The following CMYA5 variants were observed in gnomAD, a reference collection of about 807,000 sequenced individuals.
The protein encoded by CMYA5 is cardiomyopathy-associated protein 5.
CMYA5 carries 246 observed loss-of-function variants against 318.9 expected under a neutral mutation model. The observed-to-expected ratio is 0.77, with a 90% CI of 0.70 to 0.86. The LOEUF (loss-of-function observed/expected upper bound fraction) is 0.86. Ranked by LOEUF, CMYA5 falls within the 40% of genes least tolerant of loss-of-function variation. The pLI is 0.00. For synonymous variants in CMYA5, 1,641 were observed against 1,729.5 expected, an observed-to-expected ratio of 0.95 and a Z score of 1.27; for missense variants, 4,589 against 4,678.2, an observed-to-expected ratio of 0.98 and a Z score of 0.56.
Position 79,729,270 on chromosome 5 carries a change from C to A in CMYA5, c.505C>A (p.Pro169Thr). 1 of 1,611,008 alleles carries A rather than the reference C, an allele frequency of 6.2e-7. No homozygotes were observed. Among genetic ancestry groups the A allele is most frequent in the Non-Finnish European group, 8.5e-7 (1 of 1,179,136 alleles). The change falls in exon 2 of 13, where the codon CCT becomes ACT. Residue 169 changes from proline to threonine, a missense_variant. Around this residue, in one of 3 missense-constraint regions of CMYA5, gnomAD observed 2,132 missense variants for 2,131.3 expected, o/e 1.00. Coordinates refer to ENST00000446378, the MANE Select transcript of CMYA5 (RefSeq NM_153610.5). Reference sequence around the variant, plus strand: ...TGTTCCAACAAACAAAAAAGGCAGTCCTTTAACTTCAGCAAGCCAGGTACT... The same window carrying A: ...TGTTCCAACAAACAAAAAAGGCAGTACTTTAACTTCAGCAAGCCAGGTACT... Reference protein sequence around the residue: ...QDVPTNKKGSPLTSASQVLTT... With the variant: ...QDVPTNKKGSTLTSASQVLTT...
chr5:79,744,328 G>A (rs1828276303), intron 3 of CMYA5, among the ~76,000 whole-genome samples: 1 of 152,176 alleles, frequency 6.6e-6, no homozygotes, highest in African/African-American at 2.4e-5. Flanking sequence ...GAAATGCTCT[G>A]AGTCACTGCC....
chr5:79,748,821 AT>A (rs1168340969), intron 5 of CMYA5, among the ~76,000 whole-genome samples: 14 of 152,048 alleles, frequency 9.2e-5, no homozygotes, highest in Non-Finnish European at 7.3e-5. Context: ...TAAACAAATT[AT>A]TTTTTCTAAA....
intron 1 of CMYA5, among the ~76,000 whole-genome samples, chr5:79,723,248 G>A (rs1454087488): frequency 6.6e-6 from 1 of 151,972 alleles, no homozygotes; most frequent in Admixed American, 6.6e-5. Flanking sequence ...AGACCAGCCT[G>A]GCCAACATGG....
At chr5:79,698,124 G>A (rs1827105583) in intron 1 of CMYA5, among the ~76,000 whole-genome samples, 2 of 152,118 alleles carry the variant, frequency 1.3e-5, no homozygotes, top group South Asian at 2.1e-4. Flanking sequence ...ATTAGTTTTG[G>A]GGTCATGAAC....
intron 1 of CMYA5, among the ~76,000 whole-genome samples, chr5:79,715,293 A>T (rs1320821551): frequency 2.7e-5 from 4 of 149,456 alleles, no homozygotes; most frequent in African/African-American, 4.9e-5. Context: ...AATAATAATA[A>T]TTTTTTTTTT....
Position 79,689,913 on chromosome 5 carries a change from G to T in CMYA5, c.6G>T (p.Ala2=), listed in dbSNP as rs978992429. 1.2e-6 allele frequency: 1 copy of T among 838,196 alleles called. No homozygotes were observed. The highest frequency in any genetic ancestry group is 2.0e-5 in the Admixed American group (1 of 49,346). 51.9% of individuals were successfully genotyped at this position (838,196 alleles called of 1,614,324 possible). M[A]SRDSNHAGES... ...GCCCAGGCCCGGGAGAGGCGATGGCGAGCCGCGATAGCAACCACGCTGGCG... is the reference window on the plus strand; with the variant it reads ...GCCCAGGCCCGGGAGAGGCGATGGCTAGCCGCGATAGCAACCACGCTGGCG... Residue 2 remains alanine, a synonymous_variant, in exon 1 of 13, where the codon GCG becomes GCT. Coordinates refer to ENST00000446378, the MANE Select transcript of CMYA5 (RefSeq NM_153610.5).
At chr5:79,744,011 A>T in intron 3 of CMYA5, 89 bp downstream of exon 3, 1 of 611,980 alleles carries the variant, frequency 1.6e-6, no homozygotes, top group Non-Finnish European at 2.7e-6. Flanking sequence ...TGACTTGGGG[A>T]TTTTATGCGC....
Position 79,705,011 on chromosome 5 carries a change from G to A in CMYA5, c.149+14955G>A, listed in dbSNP as rs994350133. Reference sequence around the variant, plus strand: ...CTCCTGGCTTGGCGCAGTGGCTCACGCCTGTAATCCCAGCATTTTGGGAGG... The same window carrying A: ...CTCCTGGCTTGGCGCAGTGGCTCACACCTGTAATCCCAGCATTTTGGGAGG... On this transcript the variant is annotated intron_variant, in intron 1 of 12. Transcript: ENST00000446378. Among the ~76,000 whole-genome samples, 7 of 152,124 alleles carry A rather than the reference G, an allele frequency of 4.6e-5. No individual in the cohort carries two copies. In the East Asian group the frequency reaches 7.7e-4, roughly 17 times the overall value.
chr5:79,788,988 A>C lies in CMYA5; in HGVS notation c.11573A>C (p.Lys3858Thr), dbSNP rs374309573. ...GTATTTAGATCTTTCTCTGGAATCA[A>C]AGGACTCCAGCTGAAAGTTAACCTC... is the stretch of plus-strand genomic sequence containing the variant. ...GEGLRSFSGI[K>T]GLQLKVNLQP... The change falls in exon 10 of 13, where the codon AAA becomes ACA. Residue 3858 changes from lysine (K) to threonine (T), a missense_variant. Transcript: ENST00000446378. 6.2e-7 allele frequency: 1 copy of C among 1,613,546 alleles called. No individual in the cohort carries two copies. The highest frequency in any genetic ancestry group is 8.5e-7 in the Non-Finnish European group (1 of 1,179,566).
chr5:79,741,202 CT>C (rs1294189495), intron 2 of CMYA5, among the ~76,000 whole-genome samples: 2 of 152,088 alleles, frequency 1.3e-5, no homozygotes, highest in African/African-American at 4.8e-5. Flanking sequence ...TACAGGATAT[CT>C]TTTAGTCTTT....
intron 11 of CMYA5, among the ~76,000 whole-genome samples, chr5:79,791,426 A>T (rs1829176488): frequency 6.6e-6 from 1 of 152,194 alleles, no homozygotes; most frequent in Non-Finnish European, 1.5e-5. Flanking sequence ...CCCTCTTGAA[A>T]AGGCATAGAA....
intron 9 of CMYA5, among the ~76,000 whole-genome samples, chr5:79,771,635 C>T (rs551709558): frequency 2.6e-4 from 39 of 152,278 alleles, no homozygotes; most frequent in Admixed American, 4.6e-4. Flanking sequence ...GGGGGGATGG[C>T]GTTCCATTGA....
Position 79,736,031 on chromosome 5 carries a change from T to A in CMYA5, c.7266T>A (p.Ile2422=). The stretch of plus-strand genomic sequence containing the variant: ...TAGAAGAATCAAAAGGCAGTTTAAT[T>A]GATTTCAGTGAAGACAGACTCAAGA... ...LPVEESKGSL[I]DFSEDRLKKE... The change falls in exon 2 of 13, where the codon ATT becomes ATA. Residue 2422 remains isoleucine (I), a synonymous_variant. Coordinates refer to ENST00000446378, the MANE Select transcript of CMYA5 (RefSeq NM_153610.5). 6.2e-7 allele frequency: 1 copy of A among 1,612,814 alleles called. No individual in the cohort carries two copies.
chr5:79,727,229 T>C (rs550908515), intron 1 of CMYA5, among the ~76,000 whole-genome samples: 1 of 152,310 alleles, frequency 6.6e-6, no homozygotes, highest in African/African-American at 2.4e-5. Flanking sequence ...CCAGTGATTC[T>C]GAATACATAT....
At chr5:79,786,709 G>A (rs1399286519) in intron 9 of CMYA5, among the ~76,000 whole-genome samples, 2 of 152,190 alleles carry the variant, frequency 1.3e-5, no homozygotes, top group Non-Finnish European at 2.9e-5. Flanking sequence ...AAAAAGCAGG[G>A]ACAGCTGACA....
rs370435068 is a variant in CMYA5, at chr5:79,729,102, A to G, written c.337A>G (p.Thr113Ala). 3.0e-5 allele frequency: 49 copies of G among 1,613,638 alleles called. No homozygotes were observed. The highest frequency in any genetic ancestry group is 2.4e-4 in the African/African-American group (18 of 75,022). Reference sequence around the variant, plus strand: ...TGGTGTGTGTAGTCGGGAAGGGTCAACTGTGAATTCTCCTCCTGGAAATGT... The same window carrying G: ...TGGTGTGTGTAGTCGGGAAGGGTCAGCTGTGAATTCTCCTCCTGGAAATGT... ...TSGVCSREGS[T>A]VNSPPGNVSF... is the part of the protein sequence containing the mutation. Residue 113 changes from threonine (T) to alanine (A), a missense_variant, in exon 2 of 13, where the codon ACT becomes GCT. By Grantham distance (58) the Thr-to-Ala change is moderately conservative. This residue lies in a region of CMYA5 where 2,132 missense variants were observed against 2,131.3 expected (regional missense o/e 1.00). Transcript: ENST00000446378.
At chr5:79,695,578 A>T (rs1303915062) in intron 1 of CMYA5, among the ~76,000 whole-genome samples, 4 of 152,198 alleles carry the variant, frequency 2.6e-5, no homozygotes, top group Admixed American at 2.0e-4. Flanking sequence ...ATACCTAGAA[A>T]TCTGTTAGCT....
chr5:79,709,985 A>AG (rs1230776530), intron 1 of CMYA5, among the ~76,000 whole-genome samples: 54 of 148,214 alleles, frequency 3.6e-4, no homozygotes, highest in African/African-American at 9.9e-4. Flanking sequence ...AAAAAAAAAA[A>AG]AAAGAAAGAA....
chr5:79,788,893 A>T, intron 9 of CMYA5, 78 bp from the exon 10 acceptor site: 1 of 1,400,490 alleles, frequency 7.1e-7, no homozygotes, highest in South Asian at 1.3e-5. Context: ...AAAGATGTTC[A>T]TTCACTACCA....
Sources: gnomAD v4.1 joint callset for allele counts (sites outside exome capture counted in the v4.1 genomes callset) on GRCh38, gnomAD v4.1.1 for gene constraint, gnomAD v4.1.1 regional missense constraint, MANE v1.5 for transcripts, NCBI Gene and HGNC (gene_info 2026-07-23, HGNC 2026-07-21) for gene names.